Variants in NANS observed in about 807,000 individuals in gnomAD.
NANS encodes the protein N-acetylneuraminate-9-phosphate synthase.
A neutral mutation model predicts 33.3 loss-of-function variants in NANS; 29 were observed. The ratio of observed to expected loss-of-function variants is 0.87; its 90% CI spans 0.65 to 1.19. NANS has a LOEUF of 1.19. Among genes scored for constraint, NANS ranks in the 50% most tolerant of loss-of-function variants. The pLI is 0.00. For missense variants in NANS, 394 were observed against 461.1 expected, an observed-to-expected ratio of 0.85 and a Z score of 1.33; for synonymous variants, 163 against 177.2, an observed-to-expected ratio of 0.92 and a Z score of 0.64.
chr9:98,060,277 C>G (rs1293410639), intron 1 of NANS, among the ~76,000 whole-genome samples: 1 of 152,208 alleles, frequency 6.6e-6, no homozygotes, highest in Non-Finnish European at 1.5e-5. Flanking sequence ...GGTCTCCCAT[C>G]TCCAAACAAC....
chr9:98,061,529 C>A (rs965417549), intron 2 of NANS, among the ~76,000 whole-genome samples: 1 of 149,482 alleles, frequency 6.7e-6, no homozygotes, highest in Non-Finnish European at 1.5e-5. Context: ...CACCTGTAAT[C>A]CCAGCACTTT....
chr9:98,056,770 C>T lies in NANS; in HGVS notation c.-39C>T, dbSNP rs759321267. On this transcript the variant is annotated 5_prime_UTR_variant, in exon 1 of 6. Transcript: ENST00000210444. ...GAGGCGGCGGCGGCGGCGGCCGGAC[C>T]CAGACTGGTAGTGAGGCTTTGGACC... 32 of 1,603,704 alleles carry T rather than the reference C, an allele frequency of 2.0e-5. No homozygotes were observed. The highest frequency in any genetic ancestry group is 2.5e-5 in the Non-Finnish European group (29 of 1,177,156).
At chr9:98,075,698 AAAC>A (rs1330981819) in intron 2 of NANS, 1 of 152,142 alleles carries the variant, frequency 6.6e-6, no homozygotes, top group Non-Finnish European at 1.5e-5. Flanking sequence ...TCCAACTTCA[AAAC>A]AAAACAAAGG....
chr9:98,082,494 AAT>A (rs1429666586), intron 5 of NANS, among the ~76,000 whole-genome samples: 2 of 152,210 alleles, frequency 1.3e-5, no homozygotes, highest in African/African-American at 4.8e-5. Flanking sequence ...TACATTCTGT[AAT>A]ATCACCAATC....
intron 2 of NANS, among the ~76,000 whole-genome samples, chr9:98,065,483 A>ATTTTTTTTTTTTTTTTTTTTTTT (rs397837187): frequency 1.7e-5 from 1 of 58,632 alleles, no homozygotes; most frequent in Non-Finnish European, 2.8e-5. Context: ...TGCCCAGCTA[A>ATTTTTTTTTTTTTTTTTTTTTTT]TTTTTTTTTT....
intron 2 of NANS, among the ~76,000 whole-genome samples, chr9:98,066,802 C>T (rs181301707): frequency 1.3e-5 from 2 of 152,116 alleles, no homozygotes; most frequent in Non-Finnish European, 2.9e-5. Context: ...AGTCATGCAC[C>T]ACCCTGCCCA....
intron 4 of NANS, 136 bp downstream of exon 4, chr9:98,078,483 A>T: frequency 8.5e-7 from 1 of 1,181,274 alleles, no homozygotes; most frequent in Non-Finnish European, 1.2e-6. Context: ...CTGTTACCAA[A>T]TCAAATTCGA....
intron 2 of NANS, chr9:98,061,215 A>T: frequency 3.7e-6 from 2 of 542,962 alleles, no homozygotes; most frequent in South Asian, 4.2e-5. Context: ...GATGGCTCAC[A>T]CCTGTAATCC....
intron 3 of NANS, 71 bp downstream of exon 3, chr9:98,077,088 G>T: frequency 1.8e-6 from 2 of 1,135,172 alleles, no homozygotes; most frequent in Non-Finnish European, 1.3e-6. Flanking sequence ...CCTCATGGTG[G>T]CCCACTTTCA....
At chr9:98,058,764 T>C (rs1030721263) in intron 1 of NANS, among the ~76,000 whole-genome samples, 1 of 152,100 alleles carries the variant, frequency 6.6e-6, no homozygotes, top group African/African-American at 2.4e-5. Flanking sequence ...TGTCTCTAAT[T>C]CCATTGAGCT....
intron 2 of NANS, among the ~76,000 whole-genome samples, chr9:98,061,598 G>A (rs912890087): frequency 6.0e-5 from 9 of 150,654 alleles, no homozygotes; most frequent in African/African-American, 2.2e-4. Context: ...TGGCCAACAT[G>A]GTGAAACCCT....
intron 2 of NANS, among the ~76,000 whole-genome samples, chr9:98,066,399 A>G (rs1483255648): frequency 6.6e-6 from 1 of 152,166 alleles, no homozygotes; most frequent in Non-Finnish European, 1.5e-5. Flanking sequence ...GTGTGATGAC[A>G]TCATTCCTCT....
intron 1 of NANS, among the ~76,000 whole-genome samples, chr9:98,058,960 A>G (rs1459325655): frequency 6.6e-6 from 1 of 151,980 alleles, no homozygotes; most frequent in Non-Finnish European, 1.5e-5. Flanking sequence ...TGACTCTACC[A>G]TCTTATGATT....
intron 1 of NANS, among the ~76,000 whole-genome samples, chr9:98,059,169 G>A (rs1828904753): frequency 6.6e-6 from 1 of 151,876 alleles, no homozygotes; most frequent in African/African-American, 2.4e-5. Flanking sequence ...GATTACAGGT[G>A]CCCACCACCA....
At chr9:98,070,181 G>A (rs1032075423) in intron 2 of NANS, among the ~76,000 whole-genome samples, 3 of 152,184 alleles carry the variant, frequency 2.0e-5, no homozygotes, top group African/African-American at 4.8e-5. Flanking sequence ...GCAGTGGCAC[G>A]ATTGTGGCTC....
Position 98,060,867 on chromosome 9 carries a change from C to T in NANS, c.218C>T (p.Ser73Leu), listed in dbSNP as rs774179344. The change falls in exon 2 of 6, where the codon TCG (serine) becomes TTG (leucine). Residue 73 changes from serine to leucine, a missense_variant. Coordinates refer to ENST00000210444, the MANE Select transcript of NANS (RefSeq NM_018946.4). ...NRKALERPYT[S>L]KHSWGKTYGE... Reference sequence around the variant, plus strand: ...AAAGCCTTGGAGAGGCCATACACCTCGAAGCATTCCTGGGGGAAGACGTAC... The same window carrying T: ...AAAGCCTTGGAGAGGCCATACACCTTGAAGCATTCCTGGGGGAAGACGTAC... 13 of 1,614,014 alleles carry T rather than the reference C, an allele frequency of 8.1e-6. No individual in the cohort carries two copies. The highest frequency in any genetic ancestry group is 4.0e-5 in the African/African-American group (3 of 74,888).
intron 2 of NANS, 42 bp downstream of exon 2, chr9:98,061,039 C>CAAGG (rs751167910): frequency 3.8e-6 from 6 of 1,592,726 alleles, no homozygotes; most frequent in Non-Finnish European, 2.6e-6. Flanking sequence ...TTTAGCAGAC[C>CAAGG]AAGGGTCAGC....
intron 2 of NANS, 40 bp from the exon 3 acceptor site, chr9:98,076,874 TTTTG>T: frequency 6.6e-7 from 1 of 1,503,870 alleles, no homozygotes; most frequent in Non-Finnish European, 9.2e-7. Flanking sequence ...ACAACAGTGT[TTTTG>T]GACAATGGTG....
intron 2 of NANS, among the ~76,000 whole-genome samples, chr9:98,070,873 T>C (rs1322334948): frequency 1.3e-5 from 2 of 150,982 alleles, no homozygotes; most frequent in Non-Finnish European, 2.9e-5. Flanking sequence ...AGCACAATCA[T>C]AGCTCATAGC....
Sources: gnomAD v4.1 joint callset for allele counts (sites outside exome capture counted in the v4.1 genomes callset) on GRCh38, gnomAD v4.1.1 for gene constraint, MANE v1.5 for transcripts, NCBI Gene and HGNC (gene_info 2026-07-23, HGNC 2026-07-21) for gene names.